Variants in SGPP2 observed in about 807,000 individuals in gnomAD.
SGPP2 encodes the protein sphingosine 1-phosphate phosphohydrolase 2.
A neutral mutation model predicts 33.9 loss-of-function variants in SGPP2; 30 were observed. The observed-to-expected ratio is 0.89, with a 90% CI of 0.66 to 1.20. The LOEUF is 1.20. SGPP2 is among the 50% of genes most tolerant of loss of function. The pLI, the probability that SGPP2 is intolerant of heterozygous loss-of-function variation, is 0.00. For synonymous variants in SGPP2, 233 were observed against 225.0 expected (o/e 1.04, Z -0.32); for missense variants, 458 against 532.1 (o/e 0.86, Z 1.37).
chr2:222,533,753 C>T (rs1274584229), intron 4 of SGPP2, among the ~76,000 whole-genome samples: 3 of 151,908 alleles, frequency 2.0e-5, no homozygotes, highest in African/African-American at 7.3e-5. Flanking sequence ...TCTCGGTCTG[C>T]CATCCTCCCT....
chr2:222,494,663 C>T (rs1698249387), intron 2 of SGPP2, among the ~76,000 whole-genome samples: 2 of 152,214 alleles, frequency 1.3e-5, no homozygotes, highest in South Asian at 2.1e-4. Flanking sequence ...AAAATCTTGG[C>T]GTGAGGCTTT....
intron 1 of SGPP2, among the ~76,000 whole-genome samples, chr2:222,474,194 A>G (rs1697894077): frequency 6.6e-6 from 1 of 152,242 alleles, no homozygotes; most frequent in Non-Finnish European, 1.5e-5. Context: ...GATTTAGGAC[A>G]TAGAAATCTT....
intron 2 of SGPP2, among the ~76,000 whole-genome samples, chr2:222,506,595 A>G (rs1190247377): frequency 6.6e-6 from 1 of 152,210 alleles, no homozygotes; most frequent in Non-Finnish European, 1.5e-5. Flanking sequence ...TATAACAAAC[A>G]AAATATGTGT....
chr2:222,544,076 C>T (rs188522799), intron 4 of SGPP2, among the ~76,000 whole-genome samples: 2 of 152,216 alleles, frequency 1.3e-5, no homozygotes, highest in Admixed American at 1.3e-4. Flanking sequence ...CTGCTAAGTG[C>T]CATTCTAAGT....
chr2:222,492,265 TC>T (rs1421367541), intron 2 of SGPP2, among the ~76,000 whole-genome samples: 1 of 152,184 alleles, frequency 6.6e-6, no homozygotes, highest in Non-Finnish European at 1.5e-5. Flanking sequence ...TAACAGAGGT[TC>T]TCCATGAGGC....
intron 2 of SGPP2, among the ~76,000 whole-genome samples, chr2:222,490,628 A>G (rs1238400104): frequency 1.6e-5 from 2 of 128,880 alleles, no homozygotes; most frequent in Non-Finnish European, 3.2e-5. Context: ...TTTTTTTTGT[A>G]AAGGCAAGGT....
Position 222,439,221 on chromosome 2 carries a change from A to C in SGPP2, c.219+14400A>C, listed in dbSNP as rs188351100. Reference sequence around the variant, plus strand: ...GAAAGGCCAGAGGTCTCCTTGGGGAAGGATGGGAGAAAGATTCACTGCATA... The same window carrying C: ...GAAAGGCCAGAGGTCTCCTTGGGGACGGATGGGAGAAAGATTCACTGCATA... On this transcript the variant is annotated intron_variant, in intron 1 of 4. Transcript: ENST00000321276. 2.5e-3 allele frequency among the ~76,000 whole-genome samples: 386 copies of C among 152,258 alleles called. 2 individuals carry two copies. Among genetic ancestry groups the C allele is most frequent in the African/African-American group, 8.7e-3 (363 of 41,548 alleles).
intron 1 of SGPP2, among the ~76,000 whole-genome samples, chr2:222,458,042 TTTTTTGTTTTG>T (rs1225729977): frequency 1.3e-5 from 2 of 151,858 alleles, no homozygotes; most frequent in African/African-American, 4.8e-5. Context: ...TCTCTTTGTG[TTTTTTGTTTTG>T]TTTTTGTTTT....
chr2:222,435,176 T>A lies in SGPP2; in HGVS notation c.219+10355T>A, dbSNP rs138800050. 1.5e-3 allele frequency among the ~76,000 whole-genome samples: 222 copies of A among 152,152 alleles called. 1 individual carries two copies. The highest frequency in any genetic ancestry group is 5.0e-3 in the African/African-American group (209 of 41,504). The stretch of plus-strand genomic sequence containing the variant: ...CAGGCTGAGGAACAAGGAGAGCCAG[T>A]CTGAGTTCCAAAACTGAAGAACTTG... On this transcript the variant is annotated intron_variant, in intron 1 of 4. Transcript: ENST00000321276.
chr2:222,557,765 G>C (rs1408201303), intron 4 of SGPP2, among the ~76,000 whole-genome samples: 1 of 152,190 alleles, frequency 6.6e-6, no homozygotes, highest in Non-Finnish European at 1.5e-5. Flanking sequence ...TTGTATGCAC[G>C]CTGTTTGAAA....
chr2:222,522,541 G>T (rs1437674683), intron 3 of SGPP2, among the ~76,000 whole-genome samples: 1 of 152,212 alleles, frequency 6.6e-6, no homozygotes, highest in Non-Finnish European at 1.5e-5. Flanking sequence ...CTGCTTAAAT[G>T]CCAATTATAG....
intron 1 of SGPP2, among the ~76,000 whole-genome samples, chr2:222,464,024 T>C (rs1321928954): frequency 1.3e-5 from 2 of 152,190 alleles, no homozygotes; most frequent in Admixed American, 1.3e-4. Flanking sequence ...CTGAAGTTTA[T>C]AACACTCCTT....
intron 1 of SGPP2, among the ~76,000 whole-genome samples, chr2:222,427,086 A>G (rs1697082016): frequency 6.6e-6 from 1 of 152,240 alleles, no homozygotes; most frequent in South Asian, 2.1e-4. Context: ...CGTTGTTTAA[A>G]TGTGCCTTTG....
At chr2:222,466,823 T>C (rs572987577) in intron 1 of SGPP2, among the ~76,000 whole-genome samples, 1 of 152,218 alleles carries the variant, frequency 6.6e-6, no homozygotes, top group Middle Eastern at 3.2e-3. Context: ...CATATTTCTT[T>C]CTGCATCATC....
At chr2:222,479,818 C>T (rs1698002590) in intron 2 of SGPP2, among the ~76,000 whole-genome samples, 1 of 132,586 alleles carries the variant, frequency 7.5e-6, no homozygotes, top group African/African-American at 3.2e-5. Flanking sequence ...TGATTTTTCA[C>T]ACACAAAAAT....
chr2:222,424,905 G>A, intron 1 of SGPP2, 84 bp downstream of exon 1: 4 of 1,142,760 alleles, frequency 3.5e-6, no homozygotes, highest in South Asian at 5.8e-5. Flanking sequence ...ACGCGGGGCC[G>A]GCCGGGCCGA....
chr2:222,448,227 T>C (rs2106072924), intron 1 of SGPP2, among the ~76,000 whole-genome samples: 1 of 152,302 alleles, frequency 6.6e-6, no homozygotes, highest in African/African-American at 2.4e-5. Flanking sequence ...TAAAGCTCTT[T>C]GGAGTTTTAT....
In SGPP2 at chr2:222,524,939, C is replaced by T. The variant is rs1161713660; in HGVS notation, c.559-5C>T. 6.2e-7 allele frequency: 1 copy of T among 1,612,860 alleles called. No homozygotes were observed. The highest frequency in any genetic ancestry group is 2.2e-5 in the East Asian group (1 of 44,846). ...ATTCCCTTGTTTTTTCTCCTTCCCC[C>T]ACAGTATCCATTTGTGTTGGGACTG... On this transcript the variant is annotated splice_region_variant and splice_polypyrimidine_tract_variant and intron_variant, in intron 3 of 4. Coordinates refer to ENST00000321276, the MANE Select transcript of SGPP2 (RefSeq NM_152386.4).
At position 222,540,145 on chromosome 2, in the gene SGPP2, T is replaced by G. The variant is rs143865648; in HGVS notation, c.648+15112T>G. 9.1e-3 allele frequency among the ~76,000 whole-genome samples: 1,388 copies of G among 152,316 alleles called. 25 individuals are homozygous for G. Among genetic ancestry groups the G allele is most frequent in the African/African-American group, 0.032 (1,319 of 41,574 alleles). On this transcript the variant is annotated intron_variant, in intron 4 of 4. Transcript: ENST00000321276. ...TGCTTGAAACTAGGAGTGTTTTGGA[T>G]TTGGGGTTTTTTCAGATTTTTGAAT...
Sources: allele counts gnomAD v4.1 joint callset (sites outside exome capture counted in the v4.1 genomes callset), GRCh38; gene constraint gnomAD v4.1.1; transcripts MANE v1.5; gene names NCBI Gene and HGNC (gene_info 2026-07-23, HGNC 2026-07-21).